SLC10A6: variants seen among roughly 807,000 people sequenced by gnomAD.
SLC10A6 encodes solute carrier family 10 member 6, also known as sodium-dependent organic anion transporter.
A neutral mutation model predicts 30.0 loss-of-function variants in SLC10A6; 27 were observed. The observed-to-expected ratio is 0.90, with a 90% CI of 0.66 to 1.24. The LOEUF (loss-of-function observed/expected upper bound fraction) is 1.24. Ranked by LOEUF, SLC10A6 falls within the 50% of genes most tolerant of loss-of-function variation. The probability of loss-of-function intolerance (pLI) is 0.00; values close to 1 mark genes in which losing one functional copy is unlikely to be tolerated. For missense variants in SLC10A6, 439 were observed against 457.0 expected, an observed-to-expected ratio of 0.96 and a Z score of 0.36; for synonymous variants, 166 against 173.8, an observed-to-expected ratio of 0.95 and a Z score of 0.36.
At chr4:86,830,288 C>T (rs542399570) in intron 3 of SLC10A6, among the ~76,000 whole-genome samples, 59 of 152,248 alleles carry the variant, frequency 3.9e-4, no homozygotes, top group Admixed American at 7.2e-4. Flanking sequence ...GTGCTAGCTA[C>T]CTCAGAGCTT....
rs202237551 is a variant in SLC10A6, at chr4:86,849,046, G to C, written c.70C>G (p.Leu24Val). The change falls in exon 1 of 6, where the codon CTG becomes GTG. Residue 24 changes from leucine to valine, a missense_variant. Transcript: ENST00000273905. Reference protein sequence around the residue: ...NSSEEELPVGLEVHGNLELVF... With the variant: ...NSSEEELPVGVEVHGNLELVF... ...AGCTCCAGGTTTCCATGCACCTCCA[G>C]TCCCACTGGCAGCTCCTCCTCTGAA... 14 of 1,614,142 alleles carry C rather than the reference G, an allele frequency of 8.7e-6. No individual in the cohort carries two copies. The East Asian group carries it at 2.9e-4, about 33-fold the overall frequency.
chr4:86,832,042 T>C lies in SLC10A6; in HGVS notation c.497-162A>G, dbSNP rs115102257. Among the ~76,000 whole-genome samples, 485 of 152,342 alleles carry C rather than the reference T, an allele frequency of 3.2e-3. 3 individuals carry two copies. The highest frequency in any genetic ancestry group is 0.011 in the African/African-American group (467 of 41,580). ...GCCTACAATATTGGCTCCAAAGTTA[T>C]ATAAGCTGCTCATAACATTTTGCGT... On this transcript the variant is annotated intron_variant, in intron 2 of 5. Transcript: ENST00000273905.
chr4:86,841,805 G>T (rs1291114980), intron 1 of SLC10A6, among the ~76,000 whole-genome samples: 3 of 152,128 alleles, frequency 2.0e-5, no homozygotes. Flanking sequence ...CTTTCCGACT[G>T]AAAGAAATAA....
At chr4:86,842,354 G>T (rs1041062444) in intron 1 of SLC10A6, among the ~76,000 whole-genome samples, 1 of 152,148 alleles carries the variant, frequency 6.6e-6, no homozygotes, top group Non-Finnish European at 1.5e-5. Context: ...ACATCCTTAC[G>T]GAAGAATGGA....
chr4:86,824,462 A>G (rs933823768), intron 5 of SLC10A6, among the ~76,000 whole-genome samples: 2 of 152,192 alleles, frequency 1.3e-5, no homozygotes, highest in East Asian at 1.9e-4. Flanking sequence ...AGCAATCAGT[A>G]TATAATCAGT....
chr4:86,829,315 G>A (rs1313416071), intron 3 of SLC10A6, among the ~76,000 whole-genome samples: 1 of 152,142 alleles, frequency 6.6e-6, no homozygotes, highest in Admixed American at 6.5e-5. Context: ...AGAGGCTGAG[G>A]CAGGAGAATT....
chr4:86,844,154 G>C (rs998314653), intron 1 of SLC10A6, among the ~76,000 whole-genome samples: 2 of 152,042 alleles, frequency 1.3e-5, no homozygotes, highest in Non-Finnish European at 2.9e-5. Context: ...CTCCAGCCTG[G>C]GTGACAGAGC....
Position 86,849,005 on chromosome 4 carries a change from C to T in SLC10A6, c.111G>A (p.Val37=), listed in dbSNP as rs1181413022. The T allele has an allele frequency of 1.2e-6, 2 of 1,614,156 alleles. No homozygotes were observed. Among genetic ancestry groups the T allele is most frequent in the South Asian group, 2.2e-5 (2 of 91,072 alleles). ...TGAGCAGCCCCATCATCACAGTGGA[C>T]ACCACTGTGAAAACGAGCTCCAGGT... ...HGNLELVFTV[V]STVMMGLLMF... The change falls in exon 1 of 6, where the codon GTG becomes GTA. Residue 37 remains valine, a synonymous_variant. Transcript: ENST00000273905.
chr4:86,825,424 A>G lies in SLC10A6; in HGVS notation c.915T>C (p.Val305=). 1 of 1,586,152 alleles carries G rather than the reference A, an allele frequency of 6.3e-7. No homozygotes were observed. Among genetic ancestry groups the G allele is most frequent in the Non-Finnish European group, 8.6e-7 (1 of 1,158,032 alleles). Residue 305 remains valine (V), a synonymous_variant, in exon 5 of 6, where the codon GTT becomes GTC. Transcript: ENST00000273905. ...LFQLIDGFLI[V]AAYQTYKRRL... ...ACCCAATGGGTGTTCACCCACCTGC[A>G]ACAATAAGAAATCCATCTATCAGCT...
At chr4:86,824,851 A>T (rs1235558204) in intron 5 of SLC10A6, among the ~76,000 whole-genome samples, 2 of 152,182 alleles carry the variant, frequency 1.3e-5, no homozygotes, top group Non-Finnish European at 2.9e-5. Context: ...ATATATTTTT[A>T]AATTTACCCT....
rs1430971225 is a variant in SLC10A6 at position 86,833,315 on chromosome 4, G to C, written c.487C>G (p.Gln163Glu). The C allele has an allele frequency of 1.9e-6, 3 of 1,611,302 alleles. No homozygotes were observed. The African/African-American group carries it at 4.0e-5, about 22-fold the overall frequency. The change falls in exon 2 of 6, where the codon CAG (glutamine) becomes GAG (glutamate). Residue 163 changes from glutamine to glutamate, a missense_variant. Physicochemically the swap from Gln to Glu is conservative, Grantham distance 29. Coordinates refer to ENST00000273905, the MANE Select transcript of SLC10A6 (RefSeq NM_197965.3). ...CCAGGCCCATACAGACCTATGTTCT[G>C]ATAAGGAATGGTGAGATTCTGCTGA... Reference protein sequence around the residue: ...SLQQNLTIPYQNIGITLVCLT... With the variant: ...SLQQNLTIPYENIGITLVCLT...
intron 1 of SLC10A6, among the ~76,000 whole-genome samples, chr4:86,839,331 G>C (rs1746252714): frequency 6.7e-6 from 1 of 149,638 alleles, no homozygotes; most frequent in Non-Finnish European, 1.5e-5. Flanking sequence ...CACACCTGTA[G>C]TCCCAGCTAC....
chr4:86,832,088 C>G (rs1297094567), intron 2 of SLC10A6, among the ~76,000 whole-genome samples: 1 of 152,168 alleles, frequency 6.6e-6, no homozygotes, highest in Admixed American at 6.5e-5. Context: ...CCTTTCAGAA[C>G]ATATTATCAA....
chr4:86,834,394 C>T (rs1746145146), intron 1 of SLC10A6, among the ~76,000 whole-genome samples: 1 of 152,174 alleles, frequency 6.6e-6, no homozygotes, highest in African/African-American at 2.4e-5. Context: ...TCAGGTATTC[C>T]TTCATGGCAA....
In SLC10A6 at chr4:86,842,850, CTTTCTTTCTTTCTTTCTTTCTTTCT is replaced by C. The variant is rs1560461885; in HGVS notation, c.377+5864_377+5888del. Among the ~76,000 whole-genome samples the C allele has an allele frequency of 3.2e-4, 11 of 34,218 alleles. No individual in the cohort carries two copies. The East Asian group carries it at 5.2e-3, about 16-fold the overall frequency. The allele number at this position is 34,218 out of a possible 152,430, so 22.4% of individuals were successfully genotyped here. A position where few individuals can be genotyped will look rare whatever the true frequency, so the allele number is the denominator to read the frequency against. Reference sequence around the variant, plus strand: ...TCTTTCTTTCTTTCTTTCTTTCTTTCTTTCTTTCTTTCTTTCTTTCTTTCTTTTTTTTTTTGAGATGGAGTCTCGC... The same window carrying C: ...TCTTTCTTTCTTTCTTTCTTTCTTTCTTTTTTTTTTGAGATGGAGTCTCGC... On this transcript the variant is annotated intron_variant, in intron 1 of 5. Coordinates refer to ENST00000273905, the MANE Select transcript of SLC10A6 (RefSeq NM_197965.3).
chr4:86,828,894 G>A (rs191397333), intron 3 of SLC10A6, among the ~76,000 whole-genome samples: 1 of 152,256 alleles, frequency 6.6e-6, no homozygotes, highest in East Asian at 1.9e-4. Context: ...ATCTTGGCAA[G>A]CTCCTGTTCA....
intron 2 of SLC10A6, among the ~76,000 whole-genome samples, chr4:86,833,061 C>T (rs569090973): frequency 7.0e-4 from 107 of 152,050 alleles, no homozygotes; most frequent in Middle Eastern, 3.4e-3. Context: ...TAGTCAGATT[C>T]CCGGGTTAGA....
At chr4:86,837,323 A>AAGGGAGGGAGGGAGGGAGGGAG (rs1270903104) in intron 1 of SLC10A6, among the ~76,000 whole-genome samples, 1 of 141,554 alleles carries the variant, frequency 7.1e-6, no homozygotes, top group Non-Finnish European at 1.5e-5. Context: ...GGAAGGAAGG[A>AAGGGAGGGAGGGAGGGAGGGAG]AGGAAGGAAG....
intron 1 of SLC10A6, among the ~76,000 whole-genome samples, chr4:86,840,138 C>T (rs768997339): frequency 4.8e-4 from 73 of 151,402 alleles, no homozygotes; most frequent in Admixed American, 4.0e-4. Flanking sequence ...AAGCTGGTCT[C>T]GAACTCCGGA....
Sources: allele counts gnomAD v4.1 joint callset (sites outside exome capture counted in the v4.1 genomes callset), GRCh38; gene constraint gnomAD v4.1.1; transcripts MANE v1.5; gene names NCBI Gene and HGNC (gene_info 2026-07-23, HGNC 2026-07-21).